The following HMGA2 variants were observed in gnomAD, a reference collection of about 807,000 sequenced individuals.
The protein encoded by HMGA2 is high mobility group protein HMGI-C.
A neutral mutation model predicts 19.1 loss-of-function variants in HMGA2; 8 were observed. The ratio of observed to expected loss-of-function variants is 0.42; its 90% CI spans 0.25 to 0.76. The LOEUF (loss-of-function observed/expected upper bound fraction) is 0.76. Among genes scored for constraint, HMGA2 ranks in the 30% least tolerant of loss-of-function variants. The pLI is 0.28. For synonymous variants in HMGA2, 60 were observed against 48.8 expected (o/e 1.23, Z -0.96); for missense variants, 109 against 136.3 (o/e 0.80, Z 1.00).
intron 3 of HMGA2, among the ~76,000 whole-genome samples, chr12:65,946,937 G>T (rs1425168663): frequency 6.6e-6 from 1 of 152,040 alleles, no homozygotes; most frequent in Non-Finnish European, 1.5e-5. Context: ...TGTACCCTAA[G>T]CTATTTGTAT....
intron 3 of HMGA2, chr12:65,858,539 A>G (rs1037111807): frequency 2.6e-5 from 4 of 152,200 alleles, no homozygotes; most frequent in Non-Finnish European, 5.9e-5. Flanking sequence ...GAAAAATTAA[A>G]AAAACCACTC....
intron 3 of HMGA2, chr12:65,914,724 G>T (rs1385329023): frequency 6.1e-6 from 2 of 327,538 alleles, no homozygotes; most frequent in Non-Finnish European, 1.2e-5. Context: ...GCTCAGGCTG[G>T]AGTGCAGTGG....
At chr12:65,875,705 C>A (rs537831548) in intron 3 of HMGA2, among the ~76,000 whole-genome samples, 1 of 146,760 alleles carries the variant, frequency 6.8e-6, no homozygotes, top group South Asian at 2.2e-4. Context: ...CCTGACTCGG[C>A]CTTCCAAGGG....
At chr12:65,951,155 C>T (rs1876444344) in intron 3 of HMGA2, among the ~76,000 whole-genome samples, 1 of 152,128 alleles carries the variant, frequency 6.6e-6, no homozygotes, top group African/African-American at 2.4e-5. Flanking sequence ...TCTACAACTC[C>T]TGGGCTCAAG....
intron 3 of HMGA2, among the ~76,000 whole-genome samples, chr12:65,846,124 G>C (rs535017582): frequency 2.6e-5 from 4 of 152,180 alleles, no homozygotes; most frequent in African/African-American, 9.7e-5. Context: ...CTGTCCTCAG[G>C]AATCACTGAA....
intron 3 of HMGA2, among the ~76,000 whole-genome samples, chr12:65,897,198 C>G (rs1370390942): frequency 2.6e-5 from 4 of 152,138 alleles, no homozygotes; most frequent in African/African-American, 9.7e-5. Context: ...ATGAGGTATT[C>G]ATCACCTCAA....
intron 3 of HMGA2, chr12:65,914,826 C>G (rs964525237): frequency 9.2e-6 from 4 of 436,642 alleles, no homozygotes; most frequent in African/African-American, 2.0e-5. Flanking sequence ...AGGCACCCAC[C>G]ACCACACCCA....
intron 3 of HMGA2, among the ~76,000 whole-genome samples, chr12:65,853,290 AAAATCTGTTGAATATACTGTTCAAGTTT>A (rs1409350724): frequency 3.9e-5 from 6 of 152,302 alleles, no homozygotes; most frequent in African/African-American, 1.4e-4. Flanking sequence ...CAACAGATTT[AAAATCTGTTGAATATACTGTTCAAGTTT>A]AAATCTGTTG....
At chr12:65,835,001 G>T (rs1205819487) in intron 2 of HMGA2, among the ~76,000 whole-genome samples, 2 of 152,106 alleles carry the variant, frequency 1.3e-5, no homozygotes, top group Non-Finnish European at 2.9e-5. Flanking sequence ...TAATAGTGCT[G>T]GTAACAGTCT....
At chr12:65,839,653 T>A (rs143078331) in intron 3 of HMGA2, among the ~76,000 whole-genome samples, 20 of 152,324 alleles carry the variant, frequency 1.3e-4, no homozygotes, top group African/African-American at 4.6e-4. Context: ...GGAAATGGGA[T>A]GATCTTTAGA....
chr12:65,949,953 C>A (rs1424757987), intron 3 of HMGA2, among the ~76,000 whole-genome samples: 2 of 152,142 alleles, frequency 1.3e-5, no homozygotes, highest in African/African-American at 4.8e-5. Flanking sequence ...TGAAAAGATG[C>A]TCAACATCAT....
chr12:65,838,583 T>C lies in HMGA2; in HGVS notation c.249+14T>C, dbSNP rs766932378. ...CCTAGGAAATGGGTGAGTAATAAGA[T>C]ATAATTTTTCTTCTTTTTTTTAAAG... On this transcript the variant is annotated intron_variant, in intron 3 of 4. Transcript: ENST00000403681. 16 of 1,587,468 alleles carry C rather than the reference T, an allele frequency of 1.0e-5. No individual in the cohort carries two copies. Among genetic ancestry groups the C allele is most frequent in the Non-Finnish European group, 1.4e-5 (16 of 1,159,752 alleles).
chr12:65,939,640 G>A (rs1592458635), intron 3 of HMGA2, among the ~76,000 whole-genome samples: 1 of 152,272 alleles, frequency 6.6e-6, no homozygotes, highest in East Asian at 1.9e-4. Flanking sequence ...ATAGGTGTGA[G>A]ACACCACGCC....
intron 3 of HMGA2, among the ~76,000 whole-genome samples, chr12:65,903,700 A>G (rs1010192129): frequency 2.0e-5 from 3 of 152,200 alleles, no homozygotes; most frequent in Admixed American, 2.0e-4. Flanking sequence ...GTGGACCTAC[A>G]GAGGCTGTTT....
At chr12:65,908,288 G>A (rs560676215) in intron 3 of HMGA2, among the ~76,000 whole-genome samples, 2 of 152,208 alleles carry the variant, frequency 1.3e-5, no homozygotes, top group South Asian at 4.2e-4. Flanking sequence ...CAGGTACGGG[G>A]AACTGTTGGC....
At chr12:65,925,020 T>C (rs1376531551) in intron 3 of HMGA2, among the ~76,000 whole-genome samples, 3 of 152,176 alleles carry the variant, frequency 2.0e-5, no homozygotes, top group African/African-American at 4.8e-5. Context: ...CCCTTGAAAA[T>C]GCCCAGAAGC....
chr12:65,898,894 A>T (rs901801917), intron 3 of HMGA2, among the ~76,000 whole-genome samples: 1 of 151,956 alleles, frequency 6.6e-6, no homozygotes, highest in African/African-American at 2.4e-5. Flanking sequence ...AATACAAAAA[A>T]TTAGCCGGGC....
intron 3 of HMGA2, among the ~76,000 whole-genome samples, chr12:65,885,512 G>A (rs1873618524): frequency 6.6e-6 from 1 of 152,144 alleles, no homozygotes. Flanking sequence ...CAAACCCGGT[G>A]ATTTGCCACA....
chr12:65,899,043 C>CAA (rs751128412), intron 3 of HMGA2, among the ~76,000 whole-genome samples: 658 of 25,328 alleles, frequency 0.026, 68 homozygotes, highest in Admixed American at 0.054. Context: ...GACTCCGTCT[C>CAA]AAAAAAAAAA....
Sources: allele counts gnomAD v4.1 joint callset (sites outside exome capture counted in the v4.1 genomes callset), GRCh38; gene constraint gnomAD v4.1.1; transcripts MANE v1.5; gene names NCBI Gene and HGNC (gene_info 2026-07-23, HGNC 2026-07-21).